Variants in UACA observed in about 807,000 individuals in gnomAD.
The protein encoded by UACA is uveal autoantigen with coiled-coil domains and ankyrin repeats, also known as nuclear membrane binding protein.
UACA carries 112 observed loss-of-function variants against 160.5 expected under a neutral mutation model. The ratio of observed to expected loss-of-function variants is 0.70; its 90% CI spans 0.60 to 0.82. The LOEUF (loss-of-function observed/expected upper bound fraction) is 0.82, where lower values mean the gene tolerates loss of function less well. UACA is among the 40% of genes least tolerant of loss of function. UACA has a pLI of 0.00. For synonymous variants in UACA, 557 were observed against 568.4 expected (o/e 0.98, Z 0.29); for missense variants, 1,574 against 1,614.6 (o/e 0.97, Z 0.43).
intron 1 of UACA, among the ~76,000 whole-genome samples, chr15:70,761,932 T>TA (rs1303240411): frequency 2.0e-5 from 3 of 152,126 alleles, no homozygotes; most frequent in African/African-American, 7.2e-5. Flanking sequence ...ACAAAGCTAA[T>TA]AAATCTAGAA....
At chr15:70,669,501 T>G in intron 15 of UACA, 39 bp from the exon 16 acceptor site, 2 of 1,459,152 alleles carry the variant, frequency 1.4e-6, no homozygotes, top group Non-Finnish European at 9.2e-7. Flanking sequence ...CACAAAAGCC[T>G]AAATGAGACA....
chr15:70,719,855 C>T (rs778877210), intron 1 of UACA, among the ~76,000 whole-genome samples: 3 of 152,170 alleles, frequency 2.0e-5, no homozygotes, highest in Admixed American at 6.5e-5. Flanking sequence ...GTTACCCTTC[C>T]TACATTTATC....
chr15:70,688,052 A>C (rs970196504), intron 5 of UACA, among the ~76,000 whole-genome samples: 1 of 152,206 alleles, frequency 6.6e-6, no homozygotes, highest in African/African-American at 2.4e-5. Context: ...ACCTTGTAGA[A>C]GACAAGAACA....
At chr15:70,722,738 G>A (rs1390161066) in intron 1 of UACA, among the ~76,000 whole-genome samples, 4 of 152,210 alleles carry the variant, frequency 2.6e-5, no homozygotes, top group African/African-American at 9.6e-5. Context: ...TTCTTAATAT[G>A]AGTTCACTGG....
chr15:70,744,640 G>T (rs778984404), intron 1 of UACA, among the ~76,000 whole-genome samples: 2 of 152,184 alleles, frequency 1.3e-5, no homozygotes, highest in Non-Finnish European at 2.9e-5. Context: ...GTCCTCAGGG[G>T]TGACAGAAGA....
At chr15:70,686,919 A>G (rs1175689362) in intron 7 of UACA, among the ~76,000 whole-genome samples, 1 of 152,188 alleles carries the variant, frequency 6.6e-6, no homozygotes, top group Non-Finnish European at 1.5e-5. Flanking sequence ...AGACCTACAG[A>G]CAGAGATAGG....
chr15:70,666,669 A>G, intron 16 of UACA, 55 bp downstream of exon 16: 1 of 1,380,016 alleles, frequency 7.2e-7, no homozygotes, highest in South Asian at 1.6e-5. Context: ...TCTGTGGTAA[A>G]GAGCACTGCT....
chr15:70,714,757 G>C (rs967745280), intron 1 of UACA, among the ~76,000 whole-genome samples: 1 of 152,114 alleles, frequency 6.6e-6, no homozygotes, highest in East Asian at 1.9e-4. Flanking sequence ...TTCTATTCTA[G>C]TCTGTTGTAC....
rs369571784 is a variant in UACA, at chr15:70,666,768, T to C, written c.3916A>G (p.Arg1306Gly). 1.2e-6 allele frequency: 2 copies of C among 1,609,526 alleles called. No individual in the cohort carries two copies. The highest frequency in any genetic ancestry group is 1.7e-6 in the Non-Finnish European group (2 of 1,179,028). Residue 1306 changes from arginine (R) to glycine (G), a missense_variant, in exon 16 of 19, where the codon AGA becomes GGA. Coordinates refer to ENST00000322954, the MANE Select transcript of UACA (RefSeq NM_018003.4). Reference protein sequence around the residue: ...SLTTITELQRRIQESAKQIEA... With the variant: ...SLTTITELQRGIQESAKQIEA... ...ATTTGTTTAGCAGATTCTTGTATTC[T>C]TCTTTGTAACTCTGTGATTGTTGTT...
chr15:70,675,610 G>C (rs1595879670), intron 13 of UACA, among the ~76,000 whole-genome samples: 1 of 152,162 alleles, frequency 6.6e-6, no homozygotes, highest in Admixed American at 6.5e-5. Flanking sequence ...CATAAAAATA[G>C]AATCGTGCAG....
chr15:70,675,427 G>T (rs1897276680), intron 13 of UACA, among the ~76,000 whole-genome samples: 1 of 152,152 alleles, frequency 6.6e-6, no homozygotes, highest in South Asian at 2.1e-4. Context: ...ATAATACAAT[G>T]AATTTTTGCA....
At chr15:70,750,454 T>C (rs73445522) in intron 1 of UACA, among the ~76,000 whole-genome samples, 27,932 of 152,082 alleles carry the variant, frequency 0.18, 3,986 homozygotes, top group African/African-American at 0.4. Flanking sequence ...CAATTTCCCC[T>C]TCCCCCAGCT....
At chr15:70,752,237 C>A (rs1595924734) in intron 1 of UACA, among the ~76,000 whole-genome samples, 9 of 105,918 alleles carry the variant, frequency 8.5e-5, no homozygotes, top group South Asian at 6.9e-4. Flanking sequence ...AAAACTCCAT[C>A]AAAAAAAAAA....
Position 70,754,020 on chromosome 15 carries a change from G to A in UACA, c.78+9310C>T, listed in dbSNP as rs544553889. ...AGGGTTTCATCATGTTGCCCAGGCTGGTTTCGAACTCCTGACCTCAAGTGA... is the reference window on the plus strand; with the variant it reads ...AGGGTTTCATCATGTTGCCCAGGCTAGTTTCGAACTCCTGACCTCAAGTGA... On this transcript the variant is annotated intron_variant, in intron 1 of 18. Coordinates refer to ENST00000322954, the MANE Select transcript of UACA (RefSeq NM_018003.4). 4.6e-4 allele frequency: 197 copies of A among 426,514 alleles called. 5 individuals carry two copies. Among genetic ancestry groups the A allele is most frequent in the South Asian group, 3.3e-3 (194 of 58,580 alleles). The allele number at this position is 426,514 out of a possible 1,614,324, so 26.4% of individuals were successfully genotyped here.
intron 1 of UACA, among the ~76,000 whole-genome samples, chr15:70,738,569 TCTC>T (rs551674490): frequency 3.1e-4 from 47 of 152,226 alleles, no homozygotes; most frequent in African/African-American, 1.1e-3. Flanking sequence ...CTGACAATAA[TCTC>T]CTTCTACTTT....
At chr15:70,713,214 G>A (rs570553189) in intron 1 of UACA, among the ~76,000 whole-genome samples, 267 of 152,212 alleles carry the variant, frequency 1.8e-3, no homozygotes, top group African/African-American at 6.0e-3. Context: ...AGCCGCGCGC[G>A]GTGGCCGGCG....
chr15:70,745,819 C>T (rs1379309006), intron 1 of UACA, among the ~76,000 whole-genome samples: 2 of 81,042 alleles, frequency 2.5e-5, no homozygotes, highest in Non-Finnish European at 7.9e-5. Flanking sequence ...ACATCTACAA[C>T]CATCTGACCT....
intron 3 of UACA, among the ~76,000 whole-genome samples, chr15:70,693,672 G>A (rs1011330568): frequency 2.0e-5 from 3 of 151,926 alleles, no homozygotes; most frequent in Non-Finnish European, 4.4e-5. Context: ...ATTTGAGCTT[G>A]ATCTGCAAAG....
chr15:70,667,623 C>G lies in UACA; in HGVS notation c.3061G>C (p.Glu1021Gln), dbSNP rs370665811. 1.2e-6 allele frequency: 2 copies of G among 1,612,674 alleles called. No homozygotes were observed. The highest frequency in any genetic ancestry group is 2.7e-5 in the African/African-American group (2 of 74,876). Residue 1021 changes from glutamate to glutamine, a missense_variant, in exon 16 of 19, where the codon GAA becomes CAA. Transcript: ENST00000322954. ...EQTQKYSVSE[E>Q]EVKKNKQEND... ...TCTTGCTTGTTTTTCTTGACTTCTTCTTCACTGACACTATACTTTTGTGTC... is the reference window on the plus strand; with the variant it reads ...TCTTGCTTGTTTTTCTTGACTTCTTGTTCACTGACACTATACTTTTGTGTC...
Sources: gnomAD v4.1 joint callset for allele counts (sites outside exome capture counted in the v4.1 genomes callset) on GRCh38, gnomAD v4.1.1 for gene constraint, MANE v1.5 for transcripts, NCBI Gene and HGNC (gene_info 2026-07-23, HGNC 2026-07-21) for gene names.